SIDT1: variants seen among roughly 807,000 people sequenced by gnomAD.
SIDT1 encodes the protein SID1 transmembrane family, member 1.
In SIDT1, 101 loss-of-function variants were observed where a neutral mutation model predicts 107.5. The ratio of observed to expected loss-of-function variants is 0.94; its 90% CI spans 0.80 to 1.11. SIDT1 has a LOEUF of 1.11. Ranked by LOEUF, SIDT1 falls within the 50% of genes least tolerant of loss-of-function variation. SIDT1 has a pLI of 0.00. For synonymous variants in SIDT1, 395 were observed against 398.2 expected, an observed-to-expected ratio of 0.99 and a Z score of 0.10; for missense variants, 1,076 against 1,058.2, an observed-to-expected ratio of 1.02 and a Z score of -0.23.
intron 21 of SIDT1, among the ~76,000 whole-genome samples, chr3:113,620,859 G>A (rs1946420359): frequency 6.6e-6 from 1 of 152,054 alleles, no homozygotes; most frequent in African/African-American, 2.4e-5. Flanking sequence ...TGATTCCAGG[G>A]GCTCAGAATC....
intron 9 of SIDT1, 64 bp downstream of exon 9, chr3:113,585,334 C>A: frequency 8.6e-7 from 1 of 1,165,660 alleles, no homozygotes; most frequent in Non-Finnish European, 1.3e-6. Flanking sequence ...GCTTGCAGCA[C>A]AGACTTGACA....
At chr3:113,600,858 A>G (rs773669418) in intron 10 of SIDT1, among the ~76,000 whole-genome samples, 16 of 152,200 alleles carry the variant, frequency 1.1e-4, no homozygotes, top group Non-Finnish European at 2.1e-4. Context: ...TTCCCTAAAT[A>G]AGAAGAAATT....
chr3:113,608,240 C>T, intron 16 of SIDT1, 23 bp downstream of exon 16: 1 of 1,567,580 alleles, frequency 6.4e-7, no homozygotes, highest in Non-Finnish European at 8.6e-7. Context: ...TGGGTAGGAG[C>T]TAGGAAGGGT....
At chr3:113,583,646 A>G (rs2271492) in intron 7 of SIDT1, 150 bp downstream of exon 7, 130,309 of 499,594 alleles carry the variant, frequency 0.26, 20,258 homozygotes, top group East Asian at 0.62. Flanking sequence ...CTTGAGAAAA[A>G]AAACGAAAGA....
intron 23 of SIDT1, among the ~76,000 whole-genome samples, chr3:113,625,225 C>T (rs1332578264): frequency 1.3e-5 from 2 of 152,204 alleles, no homozygotes; most frequent in African/African-American, 2.4e-5. Flanking sequence ...CAACCTCCAC[C>T]TCCCAGGTTC....
intron 1 of SIDT1, among the ~76,000 whole-genome samples, chr3:113,543,858 A>AT: frequency 6.6e-6 from 1 of 152,266 alleles, no homozygotes; most frequent in South Asian, 2.1e-4. Context: ...TAAGCAAATT[A>AT]TTTTTTCCTG....
chr3:113,567,620 A>T lies in SIDT1; in HGVS notation c.425A>T (p.Gln142Leu), dbSNP rs374205464. 1.2e-6 allele frequency: 2 copies of T among 1,614,042 alleles called. No homozygotes were observed. The highest frequency in any genetic ancestry group is 2.7e-5 in the African/African-American group (2 of 74,916). The change falls in exon 3 of 25, where the codon CAG becomes CTG. Residue 142 changes from glutamine to leucine, a missense_variant. Transcript: ENST00000264852. Reference sequence around the variant, plus strand: ...GCAACCAATGAGACGGGACCCTTGCAGCAACTGATATTTGTAGATGTCGCA... The same window carrying T: ...GCAACCAATGAGACGGGACCCTTGCTGCAACTGATATTTGTAGATGTCGCA... ...SEATNETGPLQQLIFVDVASM... is the reference protein window; with the variant it reads ...SEATNETGPLLQLIFVDVASM...
chr3:113,560,776 AT>A (rs926104720), intron 1 of SIDT1, among the ~76,000 whole-genome samples: 12 of 152,172 alleles, frequency 7.9e-5, no homozygotes, highest in African/African-American at 2.7e-4. Context: ...AATAAACTAG[AT>A]TTTTGAATTG....
intron 14 of SIDT1, among the ~76,000 whole-genome samples, chr3:113,606,179 C>A (rs1002499777): frequency 6.6e-6 from 1 of 152,120 alleles, no homozygotes; most frequent in Non-Finnish European, 1.5e-5. Context: ...ACTTATATGG[C>A]CTTCTATAGA....
intron 3 of SIDT1, among the ~76,000 whole-genome samples, chr3:113,569,556 C>G (rs1011184427): frequency 2.6e-5 from 4 of 152,124 alleles, no homozygotes; most frequent in African/African-American, 7.2e-5. Context: ...CCTCTCTACC[C>G]TCCTTGACAT....
At chr3:113,604,076 A>G (rs1945154555) in intron 13 of SIDT1, 43 bp downstream of exon 13, 1 of 1,397,790 alleles carries the variant, frequency 7.2e-7, no homozygotes, top group Non-Finnish European at 9.9e-7. Flanking sequence ...TTAAATAAAC[A>G]TAGTTTTCTT....
At chr3:113,540,716 T>C (rs1462684912) in intron 1 of SIDT1, among the ~76,000 whole-genome samples, 1 of 152,164 alleles carries the variant, frequency 6.6e-6, no homozygotes, top group African/African-American at 2.4e-5. Context: ...CTTCCCTCTC[T>C]TCCTCTACAA....
At chr3:113,554,036 G>A (rs1193926005) in intron 1 of SIDT1, among the ~76,000 whole-genome samples, 1 of 152,128 alleles carries the variant, frequency 6.6e-6, no homozygotes, top group African/African-American at 2.4e-5. Flanking sequence ...TGGGCAACAA[G>A]AGTGAAATTC....
intron 1 of SIDT1, among the ~76,000 whole-genome samples, chr3:113,541,130 A>G (rs927438399): frequency 3.6e-5 from 5 of 139,214 alleles, no homozygotes; most frequent in African/African-American, 1.2e-4. Flanking sequence ...ATATATATAT[A>G]TATACACACA....
chr3:113,544,021 A>G (rs1167105546), intron 1 of SIDT1, among the ~76,000 whole-genome samples: 1 of 152,194 alleles, frequency 6.6e-6, no homozygotes, highest in African/African-American at 2.4e-5. Flanking sequence ...CTACTATTTT[A>G]TATAACTTAG....
intron 1 of SIDT1, among the ~76,000 whole-genome samples, chr3:113,564,312 T>C (rs1284292616): frequency 6.6e-6 from 1 of 152,222 alleles, no homozygotes; most frequent in East Asian, 1.9e-4. Flanking sequence ...ATAAAATACA[T>C]TTGTTAACAA....
Position 113,627,737 on chromosome 3 carries a change from C to T in SIDT1, c.*29C>T, listed in dbSNP as rs1420221900. The T allele has an allele frequency of 4.4e-6, 7 of 1,606,664 alleles. No homozygotes were observed. The Admixed American group carries it at 6.7e-5, about 15-fold the overall frequency. ...TCCAACATTAAGAGAGGGGAGGGAG[C>T]GATCAATCTTGGTGCTGTTTCACAA... On this transcript the variant is annotated 3_prime_UTR_variant, in exon 25 of 25. Coordinates refer to ENST00000264852, the MANE Select transcript of SIDT1 (RefSeq NM_017699.3).
intron 1 of SIDT1, among the ~76,000 whole-genome samples, chr3:113,538,916 TTG>T: frequency 6.6e-6 from 1 of 152,366 alleles, no homozygotes; most frequent in Admixed American, 6.5e-5. Context: ...TAATTTCTGA[TTG>T]TGTCTTTTTT....
chr3:113,612,493 C>A, intron 19 of SIDT1: 1 of 487,616 alleles, frequency 2.1e-6, no homozygotes. Flanking sequence ...CAAACTTTGA[C>A]TTGTATTAGA....
Sources: gnomAD v4.1 joint callset for allele counts (sites outside exome capture counted in the v4.1 genomes callset) on GRCh38, gnomAD v4.1.1 for gene constraint, MANE v1.5 for transcripts, NCBI Gene and HGNC (gene_info 2026-07-23, HGNC 2026-07-21) for gene names.